Variants in GRID2 observed in about 807,000 individuals in gnomAD.
GRID2 encodes glutamate receptor ionotropic, delta-2.
A neutral mutation model predicts 114.8 loss-of-function variants in GRID2; 33 were observed. The ratio of observed to expected loss-of-function variants is 0.29; its 90% confidence interval spans 0.22 to 0.38. The LOEUF (loss-of-function observed/expected upper bound fraction) is 0.38. Among genes scored for constraint, GRID2 ranks in the 10% least tolerant of loss-of-function variants. The pLI is 1.00. For missense variants in GRID2, 1,184 were observed against 1,257.7 expected (o/e 0.94, Z 0.89); for synonymous variants, 505 against 449.9 (o/e 1.12, Z -1.55).
chr4:92,527,637 T>C (rs1725109192), intron 1 of GRID2, among the ~76,000 whole-genome samples: 1 of 152,062 alleles, frequency 6.6e-6, no homozygotes, highest in African/African-American at 2.4e-5. Flanking sequence ...AGAATCACTA[T>C]GGCAAAGGTA....
chr4:92,871,309 A>G lies in GRID2; in HGVS notation c.245-213686A>G, dbSNP rs572243881. 1.5e-4 allele frequency among the ~76,000 whole-genome samples: 23 copies of G among 150,676 alleles called. No homozygotes were observed. The East Asian group carries it at 4.4e-3, about 29-fold the overall frequency. The stretch of plus-strand genomic sequence containing the variant: ...GTCATTTAGCCACTGGGATTCTCTG[A>G]TTCTTTTTTTTTCTGTTAATGTAAC... On this transcript the variant is annotated intron_variant, in intron 2 of 15. Coordinates refer to ENST00000282020, the MANE Select transcript of GRID2 (RefSeq NM_001510.4).
intron 2 of GRID2, among the ~76,000 whole-genome samples, chr4:92,967,795 G>C (rs7672245): frequency 6.6e-6 from 1 of 151,658 alleles, no homozygotes; most frequent in African/African-American, 2.4e-5. Flanking sequence ...CGAGGGTATA[G>C]CTATTGGATA....
At chr4:92,537,653 A>C (rs1202572455) in intron 1 of GRID2, among the ~76,000 whole-genome samples, 1 of 152,130 alleles carries the variant, frequency 6.6e-6, no homozygotes, top group African/African-American at 2.4e-5. Context: ...CTTGTTCTGC[A>C]AGCAATTCTA....
intron 9 of GRID2, among the ~76,000 whole-genome samples, chr4:93,408,691 T>C (rs767213866): frequency 6.6e-6 from 1 of 152,132 alleles, no homozygotes; most frequent in Non-Finnish European, 1.5e-5. Context: ...TTCCTTTATA[T>C]GCTTATTGTG....
chr4:93,455,737 ATGGACTACTCAG>A lies in GRID2; in HGVS notation c.1625_1636del (p.Asp542_Val545del). 6.2e-7 allele frequency: 1 copy of A among 1,611,842 alleles called. No individual in the cohort carries two copies. Among genetic ancestry groups the A allele is most frequent in the Non-Finnish European group, 8.5e-7 (1 of 1,177,968 alleles). On this transcript the variant is annotated inframe_deletion, in exon 11 of 16. Coordinates refer to ENST00000282020, the MANE Select transcript of GRID2 (RefSeq NM_001510.4). ...TGTGGTGGACTTTACGACACGTTAC[ATGGACTACTCAG>A]TGGGGGTACTACTTCGAAGGGCTGA...
Position 93,455,932 on chromosome 4 carries a change from T to C in GRID2, c.1816T>C (p.Tyr606His). The change falls in exon 11 of 16, where the codon TAC (tyrosine) becomes CAC (histidine). Residue 606 changes from tyrosine to histidine, a missense_variant. Tyr to His is a moderately conservative substitution (Grantham distance 83). Coordinates refer to ENST00000282020, the MANE Select transcript of GRID2 (RefSeq NM_001510.4). ...QMGSMTSTTL[Y>H]NSMWFVYGSF... is the part of the protein sequence containing the mutation. ...GGGATCAATGACGTCTACTACTCTCTACAACTCCATGTGGTTTGTGTATGG... is the reference window on the plus strand; with the variant it reads ...GGGATCAATGACGTCTACTACTCTCCACAACTCCATGTGGTTTGTGTATGG... 1 of 1,611,036 alleles carries C rather than the reference T, an allele frequency of 6.2e-7. No individual in the cohort carries two copies. The highest frequency in any genetic ancestry group is 8.5e-7 in the Non-Finnish European group (1 of 1,177,284).
chr4:92,785,387 T>C (rs1034325391), intron 2 of GRID2, among the ~76,000 whole-genome samples: 1 of 151,276 alleles, frequency 6.6e-6, no homozygotes, highest in African/African-American at 2.4e-5. Context: ...ATTTTTTAAA[T>C]AAATATATAT....
intron 11 of GRID2, among the ~76,000 whole-genome samples, chr4:93,482,842 A>G (rs866578151): frequency 5.3e-5 from 8 of 152,126 alleles, no homozygotes; most frequent in South Asian, 2.1e-4. Context: ...CATGTTGTAG[A>G]AAATCTACCC....
At chr4:92,648,062 T>TA (rs1465761563) in intron 2 of GRID2, among the ~76,000 whole-genome samples, 2 of 150,032 alleles carry the variant, frequency 1.3e-5, no homozygotes, top group Non-Finnish European at 3.0e-5. Context: ...GGACATTTTT[T>TA]ATCCTGAAAT....
At chr4:93,017,188 A>T (rs1722830974) in intron 2 of GRID2, among the ~76,000 whole-genome samples, 1 of 152,176 alleles carries the variant, frequency 6.6e-6, no homozygotes, top group African/African-American at 2.4e-5. Context: ...AAAACCAAGA[A>T]TAGGAATGTT....
chr4:93,404,374 G>T (rs751902529), intron 9 of GRID2, among the ~76,000 whole-genome samples: 6 of 152,038 alleles, frequency 3.9e-5, no homozygotes, highest in Non-Finnish European at 8.8e-5. Context: ...TTGGATGGGT[G>T]AATTGTATAT....
rs142327083 is a variant in GRID2 at position 93,309,441 on chromosome 4, C to T, written c.1245+70951C>T. ...CCCAGCTACTCAGGAGGCTGAGACA[C>T]GAGAATTGCTTGAACCCGAGAGGTA... On this transcript the variant is annotated intron_variant, in intron 8 of 15. Coordinates refer to ENST00000282020, the MANE Select transcript of GRID2 (RefSeq NM_001510.4). Among the ~76,000 whole-genome samples, 477 of 151,698 alleles carry T rather than the reference C, an allele frequency of 3.1e-3. 5 individuals carry two copies. Among genetic ancestry groups the T allele is most frequent in the East Asian group, 0.01 (54 of 5,146 alleles).
At chr4:92,932,386 C>G (rs968098119) in intron 2 of GRID2, among the ~76,000 whole-genome samples, 1 of 151,310 alleles carries the variant, frequency 6.6e-6, no homozygotes, top group African/African-American at 2.4e-5. Flanking sequence ...TACATGCACA[C>G]ATGCACACAC....
At chr4:93,086,991 C>A (rs1000132668) in intron 3 of GRID2, among the ~76,000 whole-genome samples, 1 of 151,520 alleles carries the variant, frequency 6.6e-6, no homozygotes, top group African/African-American at 2.4e-5. Context: ...GCGGGGAGAA[C>A]AATTTTCAGT....
At chr4:92,745,651 G>T (rs1484050125) in intron 2 of GRID2, among the ~76,000 whole-genome samples, 3 of 151,936 alleles carry the variant, frequency 2.0e-5, no homozygotes, top group Non-Finnish European at 4.4e-5. Context: ...TTCAGTAGTG[G>T]TACTTGCTAT....
At chr4:92,647,232 A>G (rs916571855) in intron 2 of GRID2, among the ~76,000 whole-genome samples, 1 of 152,188 alleles carries the variant, frequency 6.6e-6, no homozygotes. Context: ...AATTAATGTT[A>G]ACATTTGTAA....
intron 2 of GRID2, among the ~76,000 whole-genome samples, chr4:92,614,939 C>T (rs570143413): frequency 6.7e-6 from 1 of 148,360 alleles, no homozygotes; most frequent in African/African-American, 2.5e-5. Context: ...TTATACTTTG[C>T]TATGTTTTTT....
intron 8 of GRID2, among the ~76,000 whole-genome samples, chr4:93,269,517 A>G (rs1412583473): frequency 1.3e-5 from 2 of 152,212 alleles, no homozygotes; most frequent in Non-Finnish European, 2.9e-5. Context: ...AAAGGAATCA[A>G]ACATTACTGA....
intron 1 of GRID2, among the ~76,000 whole-genome samples, chr4:92,502,094 A>T (rs528254421): frequency 6.6e-6 from 1 of 152,258 alleles, no homozygotes; most frequent in Non-Finnish European, 1.5e-5. Flanking sequence ...TTATGAATTA[A>T]TTAGTATTCC....
Sources: gnomAD v4.1 joint callset for allele counts (sites outside exome capture counted in the v4.1 genomes callset) on GRCh38, gnomAD v4.1.1 for gene constraint, MANE v1.5 for transcripts, NCBI Gene and HGNC (gene_info 2026-07-23, HGNC 2026-07-21) for gene names.